RALYL: variants seen among roughly 807,000 people sequenced by gnomAD.
RALYL encodes RNA-binding Raly-like protein.
RALYL carries 29 observed loss-of-function variants against 35.1 expected under a neutral mutation model. That is an observed-to-expected ratio of 0.83 (90% CI 0.61 to 1.13). The LOEUF is 1.13. Among genes scored for constraint, RALYL ranks in the 50% most tolerant of loss-of-function variants. RALYL has a pLI of 0.00. For synonymous variants in RALYL, 120 were observed against 127.6 expected (o/e 0.94, Z 0.40); for missense variants, 359 against 360.4 (o/e 1.00, Z 0.03).
chr8:84,680,410 C>T (rs1390776489), intron 2 of RALYL, among the ~76,000 whole-genome samples: 1 of 152,132 alleles, frequency 6.6e-6, no homozygotes, highest in Non-Finnish European at 1.5e-5. Context: ...TACTAGATCC[C>T]TGAGGAATCG....
At chr8:84,837,178 G>A (rs773079428) in intron 4 of RALYL, among the ~76,000 whole-genome samples, 34 of 152,060 alleles carry the variant, frequency 2.2e-4, no homozygotes, top group Non-Finnish European at 4.3e-4. Context: ...CTCAACTTAC[G>A]GTCAACTGTG....
chr8:84,358,189 T>A (rs971471953), intron 1 of RALYL, among the ~76,000 whole-genome samples: 6 of 152,008 alleles, frequency 3.9e-5, no homozygotes, highest in Admixed American at 2.6e-4. Flanking sequence ...GTTTTTTTCA[T>A]TTTGAACTTT....
At chr8:84,207,570 A>T (rs77082478) in intron 1 of RALYL, among the ~76,000 whole-genome samples, 2,927 of 152,150 alleles carry the variant, frequency 0.019, 31 homozygotes, top group African/African-American at 0.033. Flanking sequence ...GGGAATGGAC[A>T]AAATGGGGAG....
chr8:84,192,142 T>C (rs1190106992), intron 1 of RALYL, among the ~76,000 whole-genome samples: 1 of 152,198 alleles, frequency 6.6e-6, no homozygotes, highest in Non-Finnish European at 1.5e-5. Context: ...ATTTGTGAAA[T>C]ATTGTTGCTA....
At chr8:84,345,832 G>A (rs895159835) in intron 1 of RALYL, among the ~76,000 whole-genome samples, 1 of 152,072 alleles carries the variant, frequency 6.6e-6, no homozygotes, top group East Asian at 1.9e-4. Flanking sequence ...GGCTAGTGGG[G>A]TTGACAGATA....
chr8:84,512,414 A>T (rs1283924392), intron 1 of RALYL, among the ~76,000 whole-genome samples: 1 of 151,848 alleles, frequency 6.6e-6, no homozygotes, highest in Non-Finnish European at 1.5e-5. Flanking sequence ...TTTGCTATTA[A>T]GTTGTTTAAA....
intron 2 of RALYL, among the ~76,000 whole-genome samples, chr8:84,692,233 A>G (rs1838206972): frequency 1.3e-5 from 2 of 152,004 alleles, no homozygotes; most frequent in Admixed American, 1.3e-4. Flanking sequence ...TGTCATAGCC[A>G]CTGAAGACAG....
chr8:84,318,101 A>G (rs1293760117), intron 1 of RALYL, among the ~76,000 whole-genome samples: 1 of 152,166 alleles, frequency 6.6e-6, no homozygotes, highest in Admixed American at 6.5e-5. Flanking sequence ...AGGACTGGCT[A>G]CATCATTTGT....
intron 8 of RALYL, among the ~76,000 whole-genome samples, chr8:84,916,262 C>G (rs2135745690): frequency 6.6e-6 from 1 of 152,032 alleles, no homozygotes; most frequent in Admixed American, 6.6e-5. Flanking sequence ...TATCTTATAT[C>G]ACATATCTTG....
intron 2 of RALYL, among the ~76,000 whole-genome samples, chr8:84,629,128 T>C (rs1250714554): frequency 1.3e-5 from 2 of 152,088 alleles, no homozygotes; most frequent in Non-Finnish European, 2.9e-5. Context: ...GTGACTTCCC[T>C]AGTTTTTCTC....
chr8:84,276,701 G>A (rs1835453333), intron 1 of RALYL, among the ~76,000 whole-genome samples: 2 of 152,172 alleles, frequency 1.3e-5, no homozygotes, highest in Admixed American at 1.3e-4. Context: ...TGAGAACAAG[G>A]AGGAGATGAG....
At chr8:84,869,096 C>G (rs1839722165) in intron 6 of RALYL, among the ~76,000 whole-genome samples, 1 of 151,914 alleles carries the variant, frequency 6.6e-6, no homozygotes, top group African/African-American at 2.4e-5. Flanking sequence ...CAGGAACCTT[C>G]CTTTTCTTTT....
At chr8:84,282,678 A>G (rs1029908375) in intron 1 of RALYL, among the ~76,000 whole-genome samples, 1 of 115,024 alleles carries the variant, frequency 8.7e-6, no homozygotes, top group Non-Finnish European at 1.8e-5. Context: ...AGGAGCAGAT[A>G]TCTAAGCAAG....
chr8:84,914,766 A>C (rs1240117432), intron 8 of RALYL, among the ~76,000 whole-genome samples: 2 of 152,086 alleles, frequency 1.3e-5, no homozygotes, highest in South Asian at 4.1e-4. Flanking sequence ...ACTTAAAAAA[A>C]ATTTAGACAG....
intron 1 of RALYL, among the ~76,000 whole-genome samples, chr8:84,358,624 T>C (rs1852337285): frequency 6.6e-6 from 1 of 151,984 alleles, no homozygotes; most frequent in African/African-American, 2.4e-5. Context: ...AATACTGATA[T>C]GAAATTACAT....
chr8:84,396,396 G>A (rs1412572842), intron 1 of RALYL, among the ~76,000 whole-genome samples: 1 of 152,002 alleles, frequency 6.6e-6, no homozygotes, highest in Non-Finnish European at 1.5e-5. Context: ...AACCAGTAAT[G>A]TTATTGTGCT....
intron 4 of RALYL, among the ~76,000 whole-genome samples, chr8:84,832,736 C>T (rs1443145511): frequency 6.6e-6 from 1 of 152,070 alleles, no homozygotes; most frequent in Non-Finnish European, 1.5e-5. Flanking sequence ...CTATATAATG[C>T]TATAATGCAT....
At chr8:84,419,462 T>G (rs1285724828) in intron 1 of RALYL, among the ~76,000 whole-genome samples, 2 of 152,158 alleles carry the variant, frequency 1.3e-5, no homozygotes, top group African/African-American at 4.8e-5. Context: ...TCCCTAAAAC[T>G]TGTCTTCATC....
intron 1 of RALYL, among the ~76,000 whole-genome samples, chr8:84,214,976 G>A (rs866117474): frequency 2.2e-4 from 33 of 151,496 alleles, no homozygotes; most frequent in South Asian, 4.2e-4. Context: ...CATGATCTCC[G>A]CTCACTGCAA....
Sources: allele counts gnomAD v4.1 joint callset (sites outside exome capture counted in the v4.1 genomes callset), GRCh38; gene constraint gnomAD v4.1.1; transcripts MANE v1.5; gene names NCBI Gene and HGNC (gene_info 2026-07-23, HGNC 2026-07-21).